The following ZNF462 variants were observed in gnomAD, a reference collection of about 807,000 sequenced individuals.
ZNF462 encodes zinc finger protein 462.
In ZNF462, 10 loss-of-function variants were observed where a neutral mutation model predicts 201.9. The observed-to-expected ratio is 0.05, with a 90% CI of 0.03 to 0.08. The LOEUF (loss-of-function observed/expected upper bound fraction) is 0.08. ZNF462 is among the 10% of genes least tolerant of loss of function. ZNF462 has a pLI of 1.00. For synonymous variants in ZNF462, 1,227 were observed against 1,193.3 expected (o/e 1.03, Z -0.58); for missense variants, 2,523 against 3,168.3 (o/e 0.80, Z 4.89).
chr9:106,952,445 GA>G (rs1831393941), intron 7 of ZNF462, among the ~76,000 whole-genome samples: 1 of 152,108 alleles, frequency 6.6e-6, no homozygotes, highest in South Asian at 2.1e-4. Context: ...AGTAAAAAAG[GA>G]AAAAATTTCA....
In ZNF462 at chr9:107,005,304, G is replaced by A. The variant is rs139551731; in HGVS notation, c.7189+1878G>A. Among the ~76,000 whole-genome samples, 3 of 152,206 alleles carry A rather than the reference G, an allele frequency of 2.0e-5. No individual in the cohort carries two copies. Among genetic ancestry groups the A allele is most frequent in the East Asian group, 1.9e-4 (1 of 5,174 alleles). ...GGAACCTCCATGCTGTTTCCATAACGGGTGTACTAATTTGCAGTCCCACCA... is the reference window on the plus strand; with the variant it reads ...GGAACCTCCATGCTGTTTCCATAACAGGTGTACTAATTTGCAGTCCCACCA... On this transcript the variant is annotated intron_variant, in intron 11 of 12. Coordinates refer to ENST00000277225, the MANE Select transcript of ZNF462 (RefSeq NM_021224.6). This position sits in a 1 kb window ranked among gnomAD's most constrained non-coding sequence, Gnocchi z 4.4.
At position 106,937,492 on chromosome 9, in the gene ZNF462, T is replaced by G. The variant is rs1830681393; in HGVS notation, c.6236-1424T>G. Among the ~76,000 whole-genome samples the G allele has an allele frequency of 2.0e-5, 3 of 152,198 alleles. No individual in the cohort carries two copies. The South Asian group carries it at 6.2e-4, about 32-fold the overall frequency. On this transcript the variant is annotated intron_variant, in intron 6 of 12. Coordinates refer to ENST00000277225, the MANE Select transcript of ZNF462 (RefSeq NM_021224.6). The stretch of plus-strand genomic sequence containing the variant: ...GGTCCACAAAACTTTATGATTCTGT[T>G]TTCTCTTTTTTCTTCTCTGAGTTTT...
intron 10 of ZNF462, among the ~76,000 whole-genome samples, chr9:107,002,427 A>G (rs559364861): frequency 3.3e-5 from 5 of 152,314 alleles, no homozygotes; most frequent in East Asian, 1.9e-4. Context: ...TGAACATTCT[A>G]TGCATGCAAC....
intron 10 of ZNF462, among the ~76,000 whole-genome samples, chr9:106,985,089 C>T (rs1020021983): frequency 2.6e-5 from 4 of 151,606 alleles, no homozygotes; most frequent in Non-Finnish European, 5.9e-5. Flanking sequence ...GGAGCGTGGG[C>T]GACAAAAAAA....
intron 7 of ZNF462, among the ~76,000 whole-genome samples, chr9:106,948,737 A>T (rs1008618411): frequency 6.6e-6 from 1 of 151,914 alleles, no homozygotes; most frequent in South Asian, 2.1e-4. Context: ...CTCACTATAT[A>T]GGTTCCATCA....
rs949878490 is a variant in ZNF462, at chr9:106,865,146, CAA to C, written c.-31+1793_-31+1794del. Among the ~76,000 whole-genome samples, 8 of 152,108 alleles carry C rather than the reference CAA, an allele frequency of 5.3e-5. No homozygotes were observed. The highest frequency in any genetic ancestry group is 1.9e-4 in the African/African-American group (8 of 41,400). On this transcript the variant is annotated intron_variant, in intron 1 of 12. Coordinates refer to ENST00000277225, the MANE Select transcript of ZNF462 (RefSeq NM_021224.6). This position sits in a 1 kb window ranked among gnomAD's most constrained non-coding sequence, Gnocchi z 4.1. ...AAGGGTTCCTCAGATTTTTCTCCAC[CAA>C]AGAGTGCTTTCACAAGTTATTGAGG...
Position 106,963,797 on chromosome 9 carries a change from A to G in ZNF462, c.6428-8208A>G, listed in dbSNP as rs1588124863. 6.6e-6 allele frequency among the ~76,000 whole-genome samples: 1 copy of G among 152,134 alleles called. No homozygotes were observed. The highest frequency in any genetic ancestry group is 1.5e-5 in the Non-Finnish European group (1 of 67,960). On this transcript the variant is annotated intron_variant, in intron 7 of 12. Coordinates refer to ENST00000277225, the MANE Select transcript of ZNF462 (RefSeq NM_021224.6). The surrounding 1 kb of genome is among the most constrained non-coding windows in gnomAD (Gnocchi z 4.7). The stretch of plus-strand genomic sequence containing the variant: ...TACAGCAGATCTCTAGAACTCTTTC[A>G]TCTTACACGACTGAAACTCTATATC...
chr9:106,899,944 A>G lies in ZNF462; in HGVS notation c.-30-23410A>G, dbSNP rs558175924. Among the ~76,000 whole-genome samples, 33 of 152,068 alleles carry G rather than the reference A, an allele frequency of 2.2e-4. No homozygotes were observed. In the South Asian group the frequency reaches 6.7e-3, roughly 31 times the overall value. The stretch of plus-strand genomic sequence containing the variant: ...CGTGTGACATTTTGGTGCACCCATC[A>G]CCCACATATACACTGCACCATATTT... On this transcript the variant is annotated intron_variant, in intron 1 of 12. Coordinates refer to ENST00000277225, the MANE Select transcript of ZNF462 (RefSeq NM_021224.6).
rs1244535889 is a variant in ZNF462 at position 106,864,379 on chromosome 9, G to C, written c.-31+1024G>C. 4.6e-5 allele frequency among the ~76,000 whole-genome samples: 7 copies of C among 151,994 alleles called. No individual in the cohort carries two copies. The East Asian group carries it at 5.9e-4, about 13-fold the overall frequency. On this transcript the variant is annotated intron_variant, in intron 1 of 12. Coordinates refer to ENST00000277225, the MANE Select transcript of ZNF462 (RefSeq NM_021224.6). ...AAGGGAGAAAGGAAGGCAGGGGCCT[G>C]GGGGGGCGTCTCACTCCTGGTGCAG...
At position 106,883,404 on chromosome 9, in the gene ZNF462, G is replaced by A. The variant is rs937089820; in HGVS notation, c.-31+20049G>A. On this transcript the variant is annotated intron_variant, in intron 1 of 12. Transcript: ENST00000277225. This position sits in a 1 kb window ranked among gnomAD's most constrained non-coding sequence, Gnocchi z 4.9. ...GCCCAGTGAAGGCAGAATAGTGTGC[G>A]GATGGAAAATGAAAAGACTTTTCTC... Among the ~76,000 whole-genome samples the A allele has an allele frequency of 6.6e-5, 10 of 152,314 alleles. No homozygotes were observed. The highest frequency in any genetic ancestry group is 2.0e-4 in the Admixed American group (3 of 15,294).
At chr9:106,899,654 A>G (rs1828972153) in intron 1 of ZNF462, among the ~76,000 whole-genome samples, 1 of 152,174 alleles carries the variant, frequency 6.6e-6, no homozygotes, top group Non-Finnish European at 1.5e-5. Flanking sequence ...GAGGATATGC[A>G]AAAAGAATTT....
At position 106,938,809 on chromosome 9, in the gene ZNF462, A is replaced by G; in HGVS notation, c.6236-107A>G. The stretch of plus-strand genomic sequence containing the variant: ...TCGTTCATAGAACATGAAGCTTGAG[A>G]TGCGCTTCTCTAGCATGAGTTAACT... On this transcript the variant is annotated intron_variant, in intron 6 of 12. Coordinates refer to ENST00000277225, the MANE Select transcript of ZNF462 (RefSeq NM_021224.6). The surrounding 1 kb of genome is among the most constrained non-coding windows in gnomAD (Gnocchi z 4.4). 2.5e-6 allele frequency: 3 copies of G among 1,192,246 alleles called. No individual in the cohort carries two copies. Among genetic ancestry groups the G allele is most frequent in the South Asian group, 3.3e-5 (2 of 60,510 alleles). 73.9% of individuals were successfully genotyped at this position (1,192,246 alleles called of 1,614,324 possible). A position where few individuals can be genotyped will look rare whatever the true frequency, so the allele number is the denominator to read the frequency against.
Position 106,923,102 on chromosome 9 carries a change from T to C in ZNF462, c.-30-252T>C, listed in dbSNP as rs995322926. ...AAGTATTAAGCGTTTCCTTGACAAA[T>C]GGCATTGGAAGACATATCATGCTAG... On this transcript the variant is annotated intron_variant, in intron 1 of 12. Coordinates refer to ENST00000277225, the MANE Select transcript of ZNF462 (RefSeq NM_021224.6). The surrounding 1 kb of genome is among the most constrained non-coding windows in gnomAD (Gnocchi z 5.6). Among the ~76,000 whole-genome samples the C allele has an allele frequency of 6.6e-6, 1 of 152,194 alleles. No homozygotes were observed. The highest frequency in any genetic ancestry group is 2.1e-4 in the South Asian group (1 of 4,832).
At position 107,010,820 on chromosome 9, in the gene ZNF462, C is replaced by A; in HGVS notation, c.7314-3C>A. The stretch of plus-strand genomic sequence containing the variant: ...TCTGTCTCTTCGATAAATGTTTTTC[C>A]AGGGCATTGAATGACACCAAGCAGG... On this transcript the variant is annotated splice_region_variant and splice_polypyrimidine_tract_variant and intron_variant, in intron 12 of 12. Coordinates refer to ENST00000277225, the MANE Select transcript of ZNF462 (RefSeq NM_021224.6). This position sits in a 1 kb window ranked among gnomAD's most constrained non-coding sequence, Gnocchi z 4.6. 6.2e-7 allele frequency: 1 copy of A among 1,609,964 alleles called. No homozygotes were observed. The highest frequency in any genetic ancestry group is 8.5e-7 in the Non-Finnish European group (1 of 1,178,220).
intron 7 of ZNF462, among the ~76,000 whole-genome samples, chr9:106,958,172 C>T (rs774328490): frequency 2.6e-5 from 4 of 152,020 alleles, no homozygotes; most frequent in Non-Finnish European, 4.4e-5. Context: ...GTTTTTCTCA[C>T]AGTGGGAATG....
chr9:106,966,214 T>C lies in ZNF462; in HGVS notation c.6428-5791T>C, dbSNP rs1259036202. 6.6e-6 allele frequency among the ~76,000 whole-genome samples: 1 copy of C among 152,136 alleles called. No homozygotes were observed. The highest frequency in any genetic ancestry group is 2.1e-4 in the South Asian group (1 of 4,834). On this transcript the variant is annotated intron_variant, in intron 7 of 12. Coordinates refer to ENST00000277225, the MANE Select transcript of ZNF462 (RefSeq NM_021224.6). This position sits in a 1 kb window ranked among gnomAD's most constrained non-coding sequence, Gnocchi z 4.4. ...TATTTTAGAACTTGGCGATTTTAAA[T>C]TGTCCCTTACACAACCTACCCCACC...
At chr9:106,869,891 A>G (rs1827512940) in intron 1 of ZNF462, among the ~76,000 whole-genome samples, 1 of 152,176 alleles carries the variant, frequency 6.6e-6, no homozygotes, top group South Asian at 2.1e-4. Context: ...TTGTATTTGC[A>G]GTATGCTAGG....
intron 7 of ZNF462, among the ~76,000 whole-genome samples, chr9:106,945,009 G>A (rs1180948063): frequency 6.6e-6 from 1 of 152,086 alleles, no homozygotes. Context: ...CAAAGGAAAG[G>A]CCCATGAATG....
At chr9:106,912,751 C>T (rs1016271362) in intron 1 of ZNF462, among the ~76,000 whole-genome samples, 2 of 152,158 alleles carry the variant, frequency 1.3e-5, no homozygotes, top group Non-Finnish European at 2.9e-5. Flanking sequence ...AAGATCTCCT[C>T]TCCATTGGAC....
Sources: gnomAD v4.1 joint callset for allele counts (sites outside exome capture counted in the v4.1 genomes callset) on GRCh38, gnomAD v4.1.1 for gene constraint, Gnocchi (gnomAD v3.1) non-coding constraint, MANE v1.5 for transcripts, NCBI Gene and HGNC (gene_info 2026-07-23, HGNC 2026-07-21) for gene names.